NCOR2: variants seen among roughly 807,000 people sequenced by gnomAD.
NCOR2 encodes the protein CTG repeat protein 26.
In NCOR2, 81 loss-of-function variants were observed where a neutral mutation model predicts 262.9. The observed-to-expected ratio is 0.31, with a 90% CI of 0.26 to 0.37. The LOEUF (loss-of-function observed/expected upper bound fraction) is 0.37. Ranked by LOEUF, NCOR2 falls within the 10% of genes least tolerant of loss-of-function variation. NCOR2 has a pLI of 1.00. For synonymous variants in NCOR2, 1,659 were observed against 1,559.3 expected (o/e 1.06, Z -1.51); for missense variants, 3,385 against 3,621.4 (o/e 0.93, Z 1.68).
chr12:124,486,832 C>A (rs940116035), intron 1 of NCOR2, among the ~76,000 whole-genome samples: 1 of 152,184 alleles, frequency 6.6e-6, no homozygotes, highest in African/African-American at 2.4e-5. Flanking sequence ...CACGATCACG[C>A]CCACCTTCCA....
chr12:124,369,235 C>T (rs1312178930), intron 20 of NCOR2, among the ~76,000 whole-genome samples: 1 of 152,160 alleles, frequency 6.6e-6, no homozygotes, highest in Non-Finnish European at 1.5e-5. Context: ...CGGGGTTTTG[C>T]AATTGAAGCC....
Position 124,383,469 on chromosome 12 carries a change from G to A in NCOR2, c.2019+2276C>T, listed in dbSNP as rs144196052. 872 of 906,110 alleles carry A rather than the reference G, an allele frequency of 9.6e-4. 4 individuals are homozygous for A. In the African/African-American group the frequency reaches 0.012, roughly 12 times the overall value. 56.1% of individuals were successfully genotyped at this position (906,110 alleles called of 1,614,324 possible). A position where few individuals can be genotyped will look rare whatever the true frequency, so the allele number is the denominator to read the frequency against. Reference sequence around the variant, plus strand: ...CAACAGGGTGCCTTAAGCATGGCCCGTGCCACCTTGGCCCAGTGCTCATAC... The same window carrying A: ...CAACAGGGTGCCTTAAGCATGGCCCATGCCACCTTGGCCCAGTGCTCATAC... On this transcript the variant is annotated intron_variant, in intron 17 of 46. Transcript: ENST00000405201.
intron 13 of NCOR2, among the ~76,000 whole-genome samples, chr12:124,403,985 G>T (rs576359121): frequency 6.6e-6 from 1 of 152,138 alleles, no homozygotes; most frequent in Non-Finnish European, 1.5e-5. Context: ...CAGACCCCCC[G>T]GCCCCCAGGT....
chr12:124,467,822 C>G (rs1417698528), intron 4 of NCOR2, among the ~76,000 whole-genome samples: 1 of 69,456 alleles, frequency 1.4e-5, no homozygotes, highest in Non-Finnish European at 3.0e-5. Flanking sequence ...CTTATCACCC[C>G]CATCACCCTC....
chr12:124,510,894 C>T (rs371702172), intron 1 of NCOR2, among the ~76,000 whole-genome samples: 3 of 152,210 alleles, frequency 2.0e-5, no homozygotes, highest in African/African-American at 7.2e-5. Context: ...GGCCCAGCTC[C>T]GTGACCTCCC....
chr12:124,406,190 C>T (rs1209197041), intron 13 of NCOR2, among the ~76,000 whole-genome samples: 1 of 152,216 alleles, frequency 6.6e-6, no homozygotes, highest in Admixed American at 6.5e-5. Flanking sequence ...CTTGTGAAAG[C>T]GGCCCTTATA....
chr12:124,354,821 G>A lies in NCOR2; in HGVS notation c.3484+16C>T. 6.2e-7 allele frequency: 1 copy of A among 1,609,236 alleles called. No homozygotes were observed. Among genetic ancestry groups the A allele is most frequent in the Non-Finnish European group, 8.5e-7 (1 of 1,177,212 alleles). Reference sequence around the variant, plus strand: ...CCCAGCCTGAGCCACCCAGACGGATGGGCCAGGAGCCTTACCCAGCTTTTT... The same window carrying A: ...CCCAGCCTGAGCCACCCAGACGGATAGGCCAGGAGCCTTACCCAGCTTTTT... On this transcript the variant is annotated intron_variant, in intron 25 of 46. Coordinates refer to ENST00000405201, the Ensembl canonical transcript of NCOR2.
chr12:124,439,523 G>A (rs1041501564), intron 7 of NCOR2, among the ~76,000 whole-genome samples: 3 of 131,618 alleles, frequency 2.3e-5, no homozygotes, highest in South Asian at 2.6e-4. Flanking sequence ...AGAGAGAGAC[G>A]GAGACAGAGA....
chr12:124,377,565 G>A (rs535338120), intron 18 of NCOR2, among the ~76,000 whole-genome samples: 2 of 152,268 alleles, frequency 1.3e-5, no homozygotes, highest in African/African-American at 2.4e-5. Flanking sequence ...CGGGCCTGAC[G>A]TGGTGACTCA....
intron 16 of NCOR2, among the ~76,000 whole-genome samples, chr12:124,396,716 A>AG (rs1446050023): frequency 6.6e-6 from 1 of 151,104 alleles, no homozygotes; most frequent in East Asian, 2.0e-4. Flanking sequence ...TCTGAGGGCG[A>AG]GGGGCAGGGT....
intron 5 of NCOR2, among the ~76,000 whole-genome samples, chr12:124,461,675 C>T (rs765192763): frequency 9.9e-5 from 15 of 152,202 alleles, no homozygotes; most frequent in African/African-American, 2.9e-4. Flanking sequence ...TAACCACACC[C>T]GCCCCACACC....
chr12:124,389,214 C>T lies in NCOR2; in HGVS notation c.1877-3327G>A, dbSNP rs533404721. On this transcript the variant is annotated intron_variant, in intron 16 of 46. Transcript: ENST00000405201. This position sits in a 1 kb window ranked among gnomAD's most constrained non-coding sequence, Gnocchi z 4.4. ...ATGCCGGCCAGAGCCCACAGACCCCCGGGCCGGGCAAAATCCAAGGACCCA... is the reference window on the plus strand; with the variant it reads ...ATGCCGGCCAGAGCCCACAGACCCCTGGGCCGGGCAAAATCCAAGGACCCA... Among the ~76,000 whole-genome samples the T allele has an allele frequency of 6.6e-6, 1 of 152,258 alleles. No individual in the cohort carries two copies. Among genetic ancestry groups the T allele is most frequent in the Non-Finnish European group, 1.5e-5 (1 of 68,050 alleles).
intron 1 of NCOR2, among the ~76,000 whole-genome samples, chr12:124,487,316 G>A (rs1312814754): frequency 5.3e-5 from 8 of 152,196 alleles, no homozygotes; most frequent in Admixed American, 1.3e-4. Context: ...AGAACAAAGC[G>A]ACCCCTGACC....
chr12:124,327,714 G>GGA (rs981175879), intron 44 of NCOR2, 81 bp from the exon 47 acceptor site: 12 of 996,558 alleles, frequency 1.2e-5, no homozygotes, highest in Non-Finnish European at 1.8e-5. Context: ...GAGAGAGAAG[G>GGA]GAGAGAGAGA....
At chr12:124,326,481 G>A in intron 45 of NCOR2, 111 bp from the exon 48 acceptor site, 3 of 1,109,078 alleles carry the variant, frequency 2.7e-6, no homozygotes, top group Non-Finnish European at 3.6e-6. Context: ...CTCCAAAGAG[G>A]GAGGGAGAGC....
At chr12:124,400,601 A>G in exon 15 of NCOR2, 1 of 1,614,030 alleles carries the variant, frequency 6.2e-7, no homozygotes, top group Non-Finnish European at 8.5e-7. Flanking sequence ...GGCTGTTGGC[A>G]GTTTTGCGGC....
chr12:124,556,614 C>A (rs879911412), intron 1 of NCOR2, among the ~76,000 whole-genome samples: 1 of 152,162 alleles, frequency 6.6e-6, no homozygotes, highest in Non-Finnish European at 1.5e-5. Flanking sequence ...AATCCCAGCA[C>A]TTTGGGAGGC....
intron 3 of NCOR2, among the ~76,000 whole-genome samples, chr12:124,475,711 C>T (rs780006073): frequency 1.6e-4 from 24 of 152,344 alleles, no homozygotes; most frequent in African/African-American, 5.8e-4. Flanking sequence ...ATCCACGTAA[C>T]CGTCATAACC....
At chr12:124,377,181 G>A (rs1417652347) in intron 18 of NCOR2, among the ~76,000 whole-genome samples, 5 of 152,198 alleles carry the variant, frequency 3.3e-5, no homozygotes, top group Non-Finnish European at 7.3e-5. Flanking sequence ...CAGCTCATGT[G>A]GTCACAGTCC....
Sources: gnomAD v4.1 joint callset for allele counts (sites outside exome capture counted in the v4.1 genomes callset) on GRCh38, gnomAD v4.1.1 for gene constraint, Gnocchi (gnomAD v3.1) non-coding constraint, MANE v1.5 for transcripts, NCBI Gene and HGNC (gene_info 2026-07-23, HGNC 2026-07-21) for gene names.